The following COL4A2 variants were observed in gnomAD, a reference collection of about 807,000 sequenced individuals.
COL4A2 encodes the protein collagen type IV alpha 2 chain, also known as collagen alpha-2(IV) chain.
In COL4A2, 99 loss-of-function variants were observed where a neutral mutation model predicts 200.2. The observed-to-expected ratio is 0.49, with a 90% CI of 0.42 to 0.58. The LOEUF (loss-of-function observed/expected upper bound fraction) is 0.58, where lower values mean the gene tolerates loss of function less well. COL4A2 is among the 20% of genes least tolerant of loss of function. The pLI is 0.00. For missense variants in COL4A2, 1,950 were observed against 2,314.1 expected, an observed-to-expected ratio of 0.84 and a Z score of 3.23; for synonymous variants, 897 against 900.6, an observed-to-expected ratio of 1.00 and a Z score of 0.07.
At position 110,307,867 on chromosome 13, in the gene COL4A2, G is replaced by A. The variant is rs1488820776; in HGVS notation, c.-37G>A. 1 of 1,603,810 alleles carries A rather than the reference G, an allele frequency of 6.2e-7. No homozygotes were observed. On this transcript the variant is annotated 5_prime_UTR_variant, in exon 2 of 48. Transcript: ENST00000360467. This position sits in a 1 kb window ranked among gnomAD's most constrained non-coding sequence, Gnocchi z 5.0. ...TTTGTCTGTCGCCTCTAGGCTAAGTGGGACTGACCGGGGCCCAGAGTGGAC... is the reference window on the plus strand; with the variant it reads ...TTTGTCTGTCGCCTCTAGGCTAAGTAGGACTGACCGGGGCCCAGAGTGGAC...
intron 3 of COL4A2, among the ~76,000 whole-genome samples, chr13:110,314,316 A>C (rs1011986968): frequency 6.6e-6 from 1 of 152,084 alleles, no homozygotes; most frequent in Non-Finnish European, 1.5e-5. Context: ...TTTGGTGTGC[A>C]TGGGTCAGAT....
At chr13:110,428,610 C>T in intron 7 of COL4A2, 27 bp downstream of exon 7, 1 of 1,344,636 alleles carries the variant, frequency 7.4e-7, no homozygotes, top group South Asian at 1.5e-5. Flanking sequence ...CGCCTGTGCT[C>T]CAGGGACGGG....
At chr13:110,329,461 C>A (rs1286930736) in intron 3 of COL4A2, among the ~76,000 whole-genome samples, 1 of 152,220 alleles carries the variant, frequency 6.6e-6, no homozygotes, top group African/African-American at 2.4e-5. Flanking sequence ...ACAGAGCATT[C>A]CCACCCTCTT....
intron 40 of COL4A2, 33 bp downstream of exon 40, chr13:110,495,500 T>C: frequency 6.2e-7 from 1 of 1,604,210 alleles, no homozygotes; most frequent in Non-Finnish European, 8.5e-7. Context: ...AACATTGCCG[T>C]CCCAGTAACC....
chr13:110,439,997 T>A (rs1338684617), intron 16 of COL4A2, among the ~76,000 whole-genome samples, 164 bp downstream of exon 16: 2 of 152,238 alleles, frequency 1.3e-5, no homozygotes, highest in Non-Finnish European at 2.9e-5. Context: ...CTCACAATAC[T>A]TGAACCGGGT....
intron 4 of COL4A2, among the ~76,000 whole-genome samples, chr13:110,386,516 A>G (rs1251608752): frequency 6.6e-6 from 1 of 152,234 alleles, no homozygotes; most frequent in African/African-American, 2.4e-5. Flanking sequence ...TGTCTGTAAA[A>G]AATGGAAATG....
At position 110,502,833 on chromosome 13, in the gene COL4A2, C is replaced by T. The variant is rs900636556; in HGVS notation, c.3878-288C>T. On this transcript the variant is annotated intron_variant, in intron 41 of 47. Coordinates refer to ENST00000360467, the MANE Select transcript of COL4A2 (RefSeq NM_001846.4). ...TGGGGGGAGAGGGACACGGGGAGTG[C>T]GTGTATAACGGGGACAGATTTCAGT... 2.4e-5 allele frequency: 8 copies of T among 338,820 alleles called. No homozygotes were observed. The East Asian group carries it at 4.4e-4, about 19-fold the overall frequency. 21.0% of individuals were successfully genotyped at this position (338,820 alleles called of 1,614,324 possible).
chr13:110,500,259 G>A lies in COL4A2; in HGVS notation c.3761-1409G>A, dbSNP rs117194379. On this transcript the variant is annotated intron_variant, in intron 40 of 47. Transcript: ENST00000360467. ...CATTTTTATAGATTTGCACTGTTTC[G>A]CCCAGCTCACTATTTCCTGCAGAGC... 9.8e-3 allele frequency among the ~76,000 whole-genome samples: 1,489 copies of A among 152,240 alleles called. 13 individuals carry two copies. The highest frequency in any genetic ancestry group is 0.014 in the Non-Finnish European group (926 of 68,016).
chr13:110,494,483 A>G (rs958118841), intron 39 of COL4A2, among the ~76,000 whole-genome samples: 8 of 152,202 alleles, frequency 5.3e-5, no homozygotes, highest in African/African-American at 1.4e-4. Context: ...GTGGGGAATC[A>G]TTTTATTATT....
At chr13:110,416,004 G>A (rs924656716) in intron 4 of COL4A2, among the ~76,000 whole-genome samples, 2 of 152,244 alleles carry the variant, frequency 1.3e-5, no homozygotes, top group African/African-American at 2.4e-5. Flanking sequence ...AGTAACCTGC[G>A]CCTGTGAGTG....
chr13:110,480,143 A>G lies in COL4A2; in HGVS notation c.2588-77A>G, dbSNP rs4773194. 0.82 allele frequency: 1,163,816 copies of G among 1,423,328 alleles called. 476,676 individuals are homozygous for G. Among genetic ancestry groups the G allele is most frequent in the Middle Eastern group, 0.89 (3,413 of 3,842 alleles). 88.2% of individuals were successfully genotyped at this position (1,423,328 alleles called of 1,614,324 possible). ...AAGGAGCTTTTCTTACTGAACACTC[A>G]ATGCCGTAAAAGCAGAAGAGAAATT... On this transcript the variant is annotated intron_variant, in intron 30 of 47. Coordinates refer to ENST00000360467, the MANE Select transcript of COL4A2 (RefSeq NM_001846.4).
chr13:110,324,467 G>A (rs1488730224), intron 3 of COL4A2, among the ~76,000 whole-genome samples: 1 of 152,238 alleles, frequency 6.6e-6, no homozygotes, highest in East Asian at 1.9e-4. Flanking sequence ...GAGTCCACAG[G>A]GGAGGGGAGG....
In COL4A2 at chr13:110,430,422, T is replaced by C. The variant is rs778894700; in HGVS notation, c.571T>C (p.Leu191=). The C allele has an allele frequency of 1.4e-4, 231 of 1,614,034 alleles. No homozygotes were observed. Among genetic ancestry groups the C allele is most frequent in the Non-Finnish European group, 1.8e-4 (217 of 1,180,030 alleles). Residue 191 remains leucine (L), a synonymous_variant, in exon 9 of 48, where the codon TTG becomes CTG. Transcript: ENST00000360467. ...TTAGGGTGAACCTGGAGAGCCTGGA[T>C]TGGTCGGTTTCCAGGTAAGTTTATT... ...RYRGEPGEPG[L]VGFQGPPGRP... is the part of the protein sequence containing the mutation.
intron 28 of COL4A2, among the ~76,000 whole-genome samples, chr13:110,469,647 CAA>C (rs1882388507): frequency 1.3e-5 from 2 of 152,154 alleles, no homozygotes; most frequent in South Asian, 4.1e-4. Context: ...AAGGGCAACA[CAA>C]AGTTATCCTC....
At chr13:110,476,367 A>T (rs565364900) in intron 29 of COL4A2, among the ~76,000 whole-genome samples, 1 of 152,358 alleles carries the variant, frequency 6.6e-6, no homozygotes, top group East Asian at 1.9e-4. Context: ...ACAGTACTAC[A>T]GGAGGAGGTG....
At chr13:110,446,969 A>C (rs1170790306) in intron 18 of COL4A2, 105 bp downstream of exon 18, 2 of 851,780 alleles carry the variant, frequency 2.3e-6, no homozygotes, top group African/African-American at 3.5e-5. Flanking sequence ...AAGCAACCCT[A>C]AAACTTAAAG....
rs537243689 is a variant in COL4A2 at position 110,430,061 on chromosome 13, GAA to G, written c.549+106_549+107del. ...CTTTGCATGTAAGAATGAATGTACT[GAA>G]GGCATGCCTAGAATGGCGGCATAAT... On this transcript the variant is annotated intron_variant, in intron 8 of 47. Coordinates refer to ENST00000360467, the MANE Select transcript of COL4A2 (RefSeq NM_001846.4). 7.0e-4 allele frequency: 820 copies of G among 1,170,686 alleles called. 7 individuals carry two copies. In the African/African-American group the frequency reaches 0.011, roughly 15 times the overall value. 72.5% of individuals were successfully genotyped at this position (1,170,686 alleles called of 1,614,324 possible). A position where few individuals can be genotyped will look rare whatever the true frequency, so the allele number is the denominator to read the frequency against.
intron 4 of COL4A2, among the ~76,000 whole-genome samples, chr13:110,359,531 ATGT>A (rs371553436): frequency 4.2e-4 from 64 of 152,336 alleles, no homozygotes; most frequent in African/African-American, 1.5e-3. Context: ...AATTGCCCTG[ATGT>A]TGTTGGAATC....
intron 21 of COL4A2, 24 bp from the exon 22 acceptor site, chr13:110,458,747 G>A: frequency 1.2e-6 from 2 of 1,613,600 alleles, no homozygotes; most frequent in Admixed American, 1.7e-5. Context: ...GGAACAAGGA[G>A]GCCCTCCTCT....
Sources: gnomAD v4.1 joint callset for allele counts (sites outside exome capture counted in the v4.1 genomes callset) on GRCh38, gnomAD v4.1.1 for gene constraint, Gnocchi (gnomAD v3.1) non-coding constraint, MANE v1.5 for transcripts, NCBI Gene and HGNC (gene_info 2026-07-23, HGNC 2026-07-21) for gene names.